OR9Q1: variants seen among roughly 807,000 people sequenced by gnomAD.
The protein encoded by OR9Q1 is olfactory receptor 9Q1.
For synonymous variants in OR9Q1, 153 were observed against 148.6 expected (o/e 1.03, Z -0.22); for missense variants, 374 against 378.8 (o/e 0.99, Z 0.11).
At chr11:58,066,578 T>A (rs1347510694) in intron 2 of OR9Q1, among the ~76,000 whole-genome samples, 1 of 152,134 alleles carries the variant, frequency 6.6e-6, no homozygotes, top group African/African-American at 2.4e-5. Flanking sequence ...CTTTCTTATT[T>A]CCCTGGACCC....
At chr11:58,119,986 C>T (rs1196791218) in intron 2 of OR9Q1, among the ~76,000 whole-genome samples, 1 of 152,182 alleles carries the variant, frequency 6.6e-6, no homozygotes, top group Non-Finnish European at 1.5e-5. Flanking sequence ...ATCTGCTCTT[C>T]CTGCCCACCA....
intron 2 of OR9Q1, among the ~76,000 whole-genome samples, chr11:58,141,957 C>A (rs1854254026): frequency 6.6e-6 from 1 of 152,098 alleles, no homozygotes; most frequent in Non-Finnish European, 1.5e-5. Flanking sequence ...ACCTGAAAAC[C>A]TCCATATGTT....
At chr11:58,079,028 T>C (rs537018177) in intron 2 of OR9Q1, among the ~76,000 whole-genome samples, 1 of 152,320 alleles carries the variant, frequency 6.6e-6, no homozygotes, top group East Asian at 1.9e-4. Context: ...TTTGACTGTT[T>C]TGTGATAGAG....
At chr11:58,046,148 C>T (rs555204359) in intron 1 of OR9Q1, among the ~76,000 whole-genome samples, 50 of 152,300 alleles carry the variant, frequency 3.3e-4, no homozygotes, top group African/African-American at 7.0e-4. Context: ...ACCTGGGCTG[C>T]GAGATACCTG....
intron 2 of OR9Q1, among the ~76,000 whole-genome samples, chr11:58,168,008 T>G (rs12805631): frequency 0.2 from 30,388 of 152,128 alleles, 3,536 homozygotes; most frequent in Non-Finnish European, 0.27. Flanking sequence ...GTTGACTGAA[T>G]TCATCAATAC....
chr11:58,144,064 CATGTGCACA>C (rs1260170660), intron 2 of OR9Q1, among the ~76,000 whole-genome samples: 2 of 151,862 alleles, frequency 1.3e-5, no homozygotes, highest in Non-Finnish European at 2.9e-5. Context: ...TTTTAGGGTA[CATGTGCACA>C]ATGTACAGGT....
At chr11:58,058,352 G>T (rs945583912) in intron 2 of OR9Q1, among the ~76,000 whole-genome samples, 1 of 152,180 alleles carries the variant, frequency 6.6e-6, no homozygotes, top group Non-Finnish European at 1.5e-5. Context: ...TGGCACTTTG[G>T]ATGGAAGCCC....
chr11:58,061,255 T>G (rs1853378139), intron 2 of OR9Q1, among the ~76,000 whole-genome samples: 1 of 152,186 alleles, frequency 6.6e-6, no homozygotes, highest in South Asian at 2.1e-4. Flanking sequence ...TCTTTGGCCC[T>G]ATATTGGGCA....
At chr11:58,098,138 T>C (rs772690666) in intron 2 of OR9Q1, among the ~76,000 whole-genome samples, 1 of 152,200 alleles carries the variant, frequency 6.6e-6, no homozygotes, top group Non-Finnish European at 1.5e-5. Flanking sequence ...TGAAGAAATA[T>C]GTATAGAACT....
At chr11:58,172,440 A>C (rs1001708839) in intron 2 of OR9Q1, among the ~76,000 whole-genome samples, 4 of 152,202 alleles carry the variant, frequency 2.6e-5, no homozygotes, top group Non-Finnish European at 4.4e-5. Flanking sequence ...GGGAAACACC[A>C]TCCTGATTAC....
chr11:58,116,240 T>A (rs1212400508), intron 2 of OR9Q1, among the ~76,000 whole-genome samples: 3 of 152,148 alleles, frequency 2.0e-5, no homozygotes, highest in Non-Finnish European at 4.4e-5. Context: ...ATCACATTCA[T>A]TCCCCAGGCC....
intron 2 of OR9Q1, among the ~76,000 whole-genome samples, chr11:58,071,670 A>G (rs1265140601): frequency 6.6e-6 from 1 of 152,142 alleles, no homozygotes; most frequent in Non-Finnish European, 1.5e-5. Context: ...ACAACATACT[A>G]CGAGAACAAA....
chr11:58,031,917 G>A (rs765218496), intron 1 of OR9Q1: 2 of 1,517,852 alleles, frequency 1.3e-6, no homozygotes, highest in Non-Finnish European at 1.8e-6. Flanking sequence ...GGAGGCAGGT[G>A]GGAACCCAGT....
intron 2 of OR9Q1, chr11:58,119,012 C>G (rs756501183): frequency 1.9e-6 from 3 of 1,613,928 alleles, no homozygotes; most frequent in Non-Finnish European, 2.5e-6. Flanking sequence ...GCTCCTACCA[C>G]CAGGCTCCAG....
chr11:58,131,250 T>TGTGTGGGGAGCC (rs1854138362), intron 2 of OR9Q1, among the ~76,000 whole-genome samples: 3 of 151,946 alleles, frequency 2.0e-5, no homozygotes, highest in Admixed American at 6.6e-5. Flanking sequence ...GGTGGGGAGC[T>TGTGTGGGGAGCC]GGCCTGTGTG....
At chr11:58,037,697 T>G (rs76791759) in intron 1 of OR9Q1, among the ~76,000 whole-genome samples, 1 of 6,560 alleles carries the variant, frequency 1.5e-4, no homozygotes, top group Non-Finnish European at 2.5e-4. Flanking sequence ...ATATTTTTTT[T>G]TTTTTTTTTT....
intron 2 of OR9Q1, chr11:58,109,447 C>T: frequency 4.3e-6 from 2 of 461,834 alleles, no homozygotes; most frequent in Non-Finnish European, 8.7e-6. Context: ...TGAGGCACAG[C>T]AGGCATCCAG....
At position 58,169,980 on chromosome 11, in the gene OR9Q1, G is replaced by A. The variant is rs538589253; in HGVS notation, c.-14-9451G>A. Among the ~76,000 whole-genome samples the A allele has an allele frequency of 2.0e-5, 3 of 151,920 alleles. No individual in the cohort carries two copies. The East Asian group carries it at 5.8e-4, about 29-fold the overall frequency. On this transcript the variant is annotated intron_variant, in intron 2 of 2. Coordinates refer to ENST00000335397, the MANE Select transcript of OR9Q1 (RefSeq NM_001005212.4). ...TTTTTATGGCCCTCAGACTCCTTTG[G>A]TTTTTGAACCCTCTCAGTGACTTTT...
At chr11:58,100,359 G>T (rs996926421) in intron 2 of OR9Q1, among the ~76,000 whole-genome samples, 1 of 152,078 alleles carries the variant, frequency 6.6e-6, no homozygotes. Context: ...ACCATTTCAT[G>T]TTCAATGTAA....
Sources: allele counts gnomAD v4.1 joint callset (sites outside exome capture counted in the v4.1 genomes callset), GRCh38; gene constraint gnomAD v4.1.1; transcripts MANE v1.5; gene names NCBI Gene and HGNC (gene_info 2026-07-23, HGNC 2026-07-21).